GLYATL1B: variants seen among roughly 807,000 people sequenced by gnomAD.
The protein encoded by GLYATL1B is glycine-N-acyltransferase like 1B, also known as putative glycine N-acyltransferase-like protein 1B.
A neutral mutation model predicts 5.5 loss-of-function variants in GLYATL1B; 6 were observed. The observed-to-expected ratio is 1.09, with a 90% confidence interval of 0.60 to 2.15. The LOEUF (loss-of-function observed/expected upper bound fraction) is 2.15, where lower values mean the gene tolerates loss of function less well. Ranked by LOEUF, GLYATL1B falls within the 30% of genes most tolerant of loss-of-function variation. The probability of loss-of-function intolerance (pLI) is 0.00; values close to 1 mark genes in which losing one functional copy is unlikely to be tolerated. For missense variants in GLYATL1B, 135 were observed against 94.1 expected (o/e 1.43, Z -1.80); for synonymous variants, 67 against 34.9 (o/e 1.92, Z -3.24).
chr11:59,090,684 T>C (rs1253825306), intron 2 of GLYATL1B, among the ~76,000 whole-genome samples: 1 of 152,096 alleles, frequency 6.6e-6, no homozygotes, highest in Admixed American at 6.5e-5. Context: ...GTTTTTGTTT[T>C]CTGTCGAAGT....
At position 59,091,049 on chromosome 11, in the gene GLYATL1B, CTTTAA is replaced by C. The variant is rs572794094; in HGVS notation, c.187-2475_187-2471del. ...TATATACTCATGTAATTTTTTCCTC[CTTTAA>C]TTTATTACCCTAAAAGATCTTCTGA... On this transcript the variant is annotated intron_variant, in intron 2 of 4. Transcript: ENST00000527482. 3.9e-5 allele frequency among the ~76,000 whole-genome samples: 6 copies of C among 152,094 alleles called. No individual in the cohort carries two copies. In the East Asian group the frequency reaches 1.2e-3, roughly 29 times the overall value.
chr11:59,093,305 AC>A (rs1293863272), intron 2 of GLYATL1B, among the ~76,000 whole-genome samples: 1 of 152,176 alleles, frequency 6.6e-6, no homozygotes, highest in East Asian at 1.9e-4. Flanking sequence ...CAGGTTTATA[AC>A]CAGTAACTGT....
At chr11:59,088,962 A>G (rs2135381848) in intron 2 of GLYATL1B, among the ~76,000 whole-genome samples, 1 of 152,312 alleles carries the variant, frequency 6.6e-6, no homozygotes, top group South Asian at 2.1e-4. Context: ...AATCAGAAAG[A>G]TAATATATGC....
intron 2 of GLYATL1B, 31 bp downstream of exon 2, chr11:59,087,202 A>T: frequency 1.8e-6 from 1 of 547,848 alleles, no homozygotes; most frequent in Middle Eastern, 3.4e-4. Context: ...TGGTGGAGCC[A>T]GGCAGGTCCA....
At chr11:59,091,832 T>G (rs1000515424) in intron 2 of GLYATL1B, among the ~76,000 whole-genome samples, 1 of 152,234 alleles carries the variant, frequency 6.6e-6, no homozygotes, top group East Asian at 1.9e-4. Flanking sequence ...CAAAGGTGCA[T>G]TGGATAAAAA....
At chr11:59,090,194 G>A (rs546786091) in intron 2 of GLYATL1B, among the ~76,000 whole-genome samples, 1 of 151,672 alleles carries the variant, frequency 6.6e-6, no homozygotes, top group Non-Finnish European at 1.5e-5. Context: ...ATTGTTTTGT[G>A]GCAAATTTTA....
chr11:59,086,917 T>C (rs1208331643), intron 1 of GLYATL1B, 147 bp from the exon 2 acceptor site: 2 of 416,392 alleles, frequency 4.8e-6, no homozygotes, highest in African/African-American at 4.1e-5. Context: ...TGTCCATCAG[T>C]ATGGTCCTGG....
At chr11:59,091,466 C>T (rs1254453824) in intron 2 of GLYATL1B, among the ~76,000 whole-genome samples, 3 of 152,114 alleles carry the variant, frequency 2.0e-5, no homozygotes, top group East Asian at 3.8e-4. Context: ...GCATAGTACC[C>T]GATAGGTAGT....
chr11:59,087,314 C>G (rs1300850093), intron 2 of GLYATL1B, 143 bp downstream of exon 2: 1 of 395,974 alleles, frequency 2.5e-6, no homozygotes, highest in Non-Finnish European at 4.5e-6. Flanking sequence ...GGGCAGCTTG[C>G]GTGAGTGCCA....
At chr11:59,091,775 T>C (rs754830251) in intron 2 of GLYATL1B, among the ~76,000 whole-genome samples, 1 of 152,164 alleles carries the variant, frequency 6.6e-6, no homozygotes, top group Non-Finnish European at 1.5e-5. Flanking sequence ...TGTTCATTGC[T>C]GCACTGTTCA....
intron 2 of GLYATL1B, among the ~76,000 whole-genome samples, chr11:59,092,050 G>C (rs1859324060): frequency 6.6e-6 from 1 of 152,090 alleles, no homozygotes. Context: ...ATTCTTGAGG[G>C]ATAACATCCA....
chr11:59,093,149 T>A (rs1332072008), intron 2 of GLYATL1B, among the ~76,000 whole-genome samples: 3 of 152,206 alleles, frequency 2.0e-5, no homozygotes, highest in Non-Finnish European at 4.4e-5. Context: ...AATTGTTGCA[T>A]TCCTTTGCTT....
chr11:59,094,377 C>T lies in GLYATL1B; in HGVS notation c.500C>T (p.Pro167Leu), dbSNP rs944116277. 12 of 546,708 alleles carry T rather than the reference C, an allele frequency of 2.2e-5. No homozygotes were observed. Among genetic ancestry groups the T allele is most frequent in the East Asian group, 2.1e-4 (7 of 33,220 alleles). The allele number at this position is 546,708 out of a possible 1,614,324, so 33.9% of individuals were successfully genotyped here. ...HPDDELESET[P>L]NFKYAQLNVS... is the part of the protein sequence containing the mutation. ...CTTTTTGTTTTCTACAGCGAGACTC[C>T]GAACTTTAAGTATGCCCAGCTGAAT... The change falls in exon 5 of 5, where the codon CCG becomes CTG. Residue 167 changes from proline (P) to leucine (L), a missense_variant. By Grantham distance (98) the Pro-to-Leu change is moderately conservative (BLOSUM62 -3). Coordinates refer to ENST00000527482, the MANE Select transcript of GLYATL1B (RefSeq NM_001355566.1).
intron 2 of GLYATL1B, among the ~76,000 whole-genome samples, chr11:59,092,347 A>G (rs1190811708): frequency 6.6e-6 from 1 of 151,734 alleles, no homozygotes; most frequent in Non-Finnish European, 1.5e-5. Context: ...AAATTGTTCC[A>G]TTTGTTATTT....
chr11:59,087,509 G>T (rs1318790306), intron 2 of GLYATL1B, among the ~76,000 whole-genome samples: 3 of 152,064 alleles, frequency 2.0e-5, no homozygotes, highest in Non-Finnish European at 4.4e-5. Context: ...TATTGGAACA[G>T]TGACTTAGAA....
At chr11:59,093,396 C>T (rs1260796110) in intron 2 of GLYATL1B, 133 bp from the exon 3 acceptor site, 4 of 384,912 alleles carry the variant, frequency 1.0e-5, no homozygotes, top group African/African-American at 6.2e-5. Flanking sequence ...ATATTATCCA[C>T]GTGCCCAACT....
In GLYATL1B at chr11:59,093,541, G is replaced by A; in HGVS notation, c.199G>A (p.Asp67Asn). The change falls in exon 3 of 5, where the codon GAC becomes AAC. Residue 67 changes from aspartate to asparagine, a missense_variant. Asp to Asn is a conservative substitution (Grantham distance 23). Transcript: ENST00000527482. ...CCATCCTACACAGGAGATGACTGAT[G>A]ACATGGATTCATACACTAATGTATA... The part of the protein sequence containing the change: ...IRPQKQEMTD[D>N]MDSYTNVYRV... 2.1e-6 allele frequency: 1 copy of A among 478,914 alleles called. No individual in the cohort carries two copies. The highest frequency in any genetic ancestry group is 3.8e-6 in the Non-Finnish European group (1 of 259,832). 29.7% of individuals were successfully genotyped at this position (478,914 alleles called of 1,614,324 possible). A position where few individuals can be genotyped will look rare whatever the true frequency, so the allele number is the denominator to read the frequency against.
At chr11:59,088,337 C>G (rs1859234413) in intron 2 of GLYATL1B, among the ~76,000 whole-genome samples, 1 of 152,096 alleles carries the variant, frequency 6.6e-6, no homozygotes, top group South Asian at 2.1e-4. Context: ...TTTTTTGGCC[C>G]TAAAGACTTC....
chr11:59,094,246 A>T (rs1384482134), intron 4 of GLYATL1B, 123 bp from the exon 5 acceptor site: 1 of 492,346 alleles, frequency 2.0e-6, no homozygotes, highest in East Asian at 3.3e-5. Context: ...TGGTCAAAAT[A>T]CGCCACTTTG....
Sources: allele counts gnomAD v4.1 joint callset (sites outside exome capture counted in the v4.1 genomes callset), GRCh38; gene constraint gnomAD v4.1.1; transcripts MANE v1.5; gene names NCBI Gene and HGNC (gene_info 2026-07-23, HGNC 2026-07-21).